ZBTB16: variants seen among roughly 807,000 people sequenced by gnomAD.
The protein encoded by ZBTB16 is zinc finger and BTB domain-containing protein 16.
ZBTB16 carries 8 observed loss-of-function variants against 56.8 expected under a neutral mutation model. The ratio of observed to expected loss-of-function variants is 0.14; its 90% CI spans 0.08 to 0.25. The LOEUF (loss-of-function observed/expected upper bound fraction) is 0.25, where lower values mean the gene tolerates loss of function less well. Ranked by LOEUF, ZBTB16 falls within the 10% of genes least tolerant of loss-of-function variation. The probability of loss-of-function intolerance (pLI) is 1.00; values close to 1 mark genes in which losing one functional copy is unlikely to be tolerated. For missense variants in ZBTB16, 625 were observed against 903.0 expected, an observed-to-expected ratio of 0.69 and a Z score of 3.95; for synonymous variants, 363 against 368.5, an observed-to-expected ratio of 0.98 and a Z score of 0.17.
At chr11:114,186,468 GT>G (rs1943363034) in intron 3 of ZBTB16, among the ~76,000 whole-genome samples, 1 of 152,140 alleles carries the variant, frequency 6.6e-6, no homozygotes. Flanking sequence ...TCAGATGCAG[GT>G]GGCAGTTGGG....
At chr11:114,179,667 CT>C (rs1943200051) in intron 3 of ZBTB16, among the ~76,000 whole-genome samples, 1 of 151,886 alleles carries the variant, frequency 6.6e-6, no homozygotes. Flanking sequence ...TTTTTTCTCC[CT>C]TCTTATTATT....
At position 114,143,623 on chromosome 11, in the gene ZBTB16, T is replaced by C. The variant is rs1309848033; in HGVS notation, c.1269-12714T>C. On this transcript the variant is annotated intron_variant, in intron 2 of 6. Transcript: ENST00000335953. The surrounding 1 kb of genome is among the most constrained non-coding windows in gnomAD (Gnocchi z 6.4). Reference sequence around the variant, plus strand: ...GATGTGTGATGTTGTGGTCAGGTGATCACTGATGTGTGTCAGTGTATTGTA... The same window carrying C: ...GATGTGTGATGTTGTGGTCAGGTGACCACTGATGTGTGTCAGTGTATTGTA... 6.6e-6 allele frequency among the ~76,000 whole-genome samples: 1 copy of C among 152,192 alleles called. No individual in the cohort carries two copies. Among genetic ancestry groups the C allele is most frequent in the Non-Finnish European group, 1.5e-5 (1 of 68,022 alleles).
At chr11:114,114,857 A>AT (rs1193170082) in intron 2 of ZBTB16, among the ~76,000 whole-genome samples, 3 of 151,274 alleles carry the variant, frequency 2.0e-5, no homozygotes, top group Non-Finnish European at 1.5e-5. Flanking sequence ...ATTTTTGTAT[A>AT]TTTTTTGTAG....
At chr11:114,137,673 C>G (rs1941833376) in intron 2 of ZBTB16, among the ~76,000 whole-genome samples, 1 of 152,062 alleles carries the variant, frequency 6.6e-6, no homozygotes, top group African/African-American at 2.4e-5. Context: ...ATGAAGTTAC[C>G]TGCCTACTCT....
rs869056944 is a variant in ZBTB16, at chr11:114,167,230, TG to T, written c.1366+10798del. On this transcript the variant is annotated intron_variant, in intron 3 of 6. Coordinates refer to ENST00000335953, the MANE Select transcript of ZBTB16 (RefSeq NM_006006.6). Reference sequence around the variant, plus strand: ...ATGGATTTGTGGTTTTTTTTTTTTTTGGTTTTTTTTTTTTTTTTTTTTTGAC... The same window carrying T: ...ATGGATTTGTGGTTTTTTTTTTTTTTGTTTTTTTTTTTTTTTTTTTTTGAC... Among the ~76,000 whole-genome samples the T allele has an allele frequency of 5.2e-3, 62 of 11,822 alleles. 3 individuals carry two copies. The highest frequency in any genetic ancestry group is 0.011 in the African/African-American group (52 of 4,856). The allele number at this position is 11,822 out of a possible 152,430, so 7.8% of individuals were successfully genotyped here. A position where few individuals can be genotyped will look rare whatever the true frequency, so the allele number is the denominator to read the frequency against.
chr11:114,111,747 C>T lies in ZBTB16; in HGVS notation c.1269-44590C>T, dbSNP rs201382847. The stretch of plus-strand genomic sequence containing the variant: ...CTTCATTCTTTCAGTCTCTTCTTTC[C>T]GTCTCCCTCTCCTGGTGCTATTGGT... On this transcript the variant is annotated intron_variant, in intron 2 of 6. Transcript: ENST00000335953. Among the ~76,000 whole-genome samples, 346 of 152,248 alleles carry T rather than the reference C, an allele frequency of 2.3e-3. 2 individuals are homozygous for T. The highest frequency in any genetic ancestry group is 7.6e-3 in the African/African-American group (315 of 41,528).
intron 4 of ZBTB16, among the ~76,000 whole-genome samples, chr11:114,217,037 A>G (rs562654623): frequency 6.6e-6 from 1 of 152,332 alleles, no homozygotes; most frequent in African/African-American, 2.4e-5. Flanking sequence ...AGACACCACA[A>G]GGTTTTCAAG....
chr11:114,151,631 C>T (rs1942280495), intron 2 of ZBTB16, among the ~76,000 whole-genome samples: 1 of 152,242 alleles, frequency 6.6e-6, no homozygotes, highest in Non-Finnish European at 1.5e-5. Flanking sequence ...TGAGCATTTG[C>T]CCCTGGGCTC....
rs1944892815 is a variant in ZBTB16 at position 114,250,171 on chromosome 11, C to T, written c.1793-155C>T. Among the ~76,000 whole-genome samples, 1 of 152,152 alleles carries T rather than the reference C, an allele frequency of 6.6e-6. No individual in the cohort carries two copies. Among genetic ancestry groups the T allele is most frequent in the African/African-American group, 2.4e-5 (1 of 41,424 alleles). ...CATAGCCATGTGTGACTGGTGGCTG[C>T]CGTCTTGGGTGGTGCCTTCATTGTC... On this transcript the variant is annotated intron_variant, in intron 6 of 6. Coordinates refer to ENST00000335953, the MANE Select transcript of ZBTB16 (RefSeq NM_006006.6). This position sits in a 1 kb window ranked among gnomAD's most constrained non-coding sequence, Gnocchi z 6.0.
Position 114,200,903 on chromosome 11 carries a change from G to A in ZBTB16, c.1453+13865G>A, listed in dbSNP as rs146067619. On this transcript the variant is annotated intron_variant, in intron 4 of 6. Transcript: ENST00000335953. ...ACCAATGTGTAACTGAAACTTGAAA[G>A]GCCATAAATTGCCTTGTTTTTTCTA... Among the ~76,000 whole-genome samples the A allele has an allele frequency of 9.9e-3, 1,509 of 152,288 alleles. 12 individuals carry two copies. Among genetic ancestry groups the A allele is most frequent in the Middle Eastern group, 0.017 (5 of 294 alleles).
At chr11:114,142,241 C>T (rs1213893525) in intron 2 of ZBTB16, among the ~76,000 whole-genome samples, 5 of 152,168 alleles carry the variant, frequency 3.3e-5, no homozygotes, top group Non-Finnish European at 7.3e-5. Flanking sequence ...GTGGGGGCTG[C>T]AGCCGACAAC....
Position 114,254,961 on chromosome 11 carries a change from G to A in ZBTB16, c.*4406G>A, listed in dbSNP as rs910855648. Among the ~76,000 whole-genome samples the A allele has an allele frequency of 3.0e-4, 46 of 152,298 alleles. No homozygotes were observed. The highest frequency in any genetic ancestry group is 3.4e-3 in the Middle Eastern group (1 of 294). ...GTTAGCCAGCAGCTGCGGCCTCCCC[G>A]GGCCCTTGGCATCCAACTTCGCAGA... is the stretch of plus-strand genomic sequence containing the variant. On this transcript the variant is annotated 3_prime_UTR_variant, in exon 7 of 7. Coordinates refer to ENST00000335953, the MANE Select transcript of ZBTB16 (RefSeq NM_006006.6).
intron 3 of ZBTB16, among the ~76,000 whole-genome samples, chr11:114,177,057 G>A (rs1200289163): frequency 6.6e-6 from 1 of 151,208 alleles, no homozygotes; most frequent in African/African-American, 2.4e-5. Flanking sequence ...CTGTGGCCAG[G>A]AGCTGTCCTC....
At chr11:114,106,267 C>T (rs1489982827) in intron 2 of ZBTB16, among the ~76,000 whole-genome samples, 1 of 152,182 alleles carries the variant, frequency 6.6e-6, no homozygotes, top group African/African-American at 2.4e-5. Context: ...TCCCTTCCCC[C>T]TTGGCCGGTT....
At chr11:114,172,291 G>A (rs1942990114) in intron 3 of ZBTB16, among the ~76,000 whole-genome samples, 1 of 152,328 alleles carries the variant, frequency 6.6e-6, no homozygotes, top group African/African-American at 2.4e-5. Context: ...TGCCTTAGAA[G>A]GAGCCCATGG....
chr11:114,152,541 G>A (rs1426366711), intron 2 of ZBTB16, among the ~76,000 whole-genome samples: 1 of 152,214 alleles, frequency 6.6e-6, no homozygotes, highest in Non-Finnish European at 1.5e-5. Flanking sequence ...TCTGTTACAA[G>A]CAAGGTGAGT....
chr11:114,233,520 G>A (rs1944501599), intron 4 of ZBTB16, among the ~76,000 whole-genome samples: 2 of 151,950 alleles, frequency 1.3e-5, no homozygotes, highest in Non-Finnish European at 2.9e-5. Flanking sequence ...ATGTGAAGGT[G>A]GTTTTGTAGC....
Position 114,255,744 on chromosome 11 carries a change from A to AT in ZBTB16, c.*5189_*5190insT, listed in dbSNP as rs1944994886. 6.6e-6 allele frequency among the ~76,000 whole-genome samples: 1 copy of AT among 151,572 alleles called. No individual in the cohort carries two copies. The highest frequency in any genetic ancestry group is 6.6e-5 in the Admixed American group (1 of 15,216). On this transcript the variant is annotated 3_prime_UTR_variant, in exon 7 of 7. Transcript: ENST00000335953. ...AAAAAAAAAAAAAAAGGAAAAAAAA[A>AT]GAAAAAATGAATTTACTGCTGCAGG...
At chr11:114,190,465 T>A (rs1027159478) in intron 4 of ZBTB16, among the ~76,000 whole-genome samples, 1 of 152,126 alleles carries the variant, frequency 6.6e-6, no homozygotes, top group Non-Finnish European at 1.5e-5. Context: ...TATAATAAAA[T>A]TGTTGAAGAT....
Sources: gnomAD v4.1 joint callset for allele counts (sites outside exome capture counted in the v4.1 genomes callset) on GRCh38, gnomAD v4.1.1 for gene constraint, Gnocchi (gnomAD v3.1) non-coding constraint, MANE v1.5 for transcripts, NCBI Gene and HGNC (gene_info 2026-07-23, HGNC 2026-07-21) for gene names.